Variants in SLC8B1 observed in about 807,000 individuals in gnomAD.
SLC8B1 encodes mitochondrial sodium/calcium exchanger protein.
SLC8B1 carries 52 observed loss-of-function variants against 63.4 expected under a neutral mutation model. The ratio of observed to expected loss-of-function variants is 0.82; its 90% confidence interval spans 0.66 to 1.03. The LOEUF (loss-of-function observed/expected upper bound fraction) is 1.03, where lower values mean the gene tolerates loss of function less well. SLC8B1 is among the 50% of genes least tolerant of loss of function. The pLI is 0.00. For synonymous variants in SLC8B1, 336 were observed against 323.9 expected (o/e 1.04, Z -0.40); for missense variants, 657 against 741.7 (o/e 0.89, Z 1.33).
In SLC8B1 at chr12:113,305,322, A is replaced by G. The variant is rs544768723; in HGVS notation, c.1493-937T>C. On this transcript the variant is annotated intron_variant, in intron 14 of 15. Transcript: ENST00000680972. The surrounding 1 kb of genome is among the most constrained non-coding windows in gnomAD (Gnocchi z 4.3). ...CAGCCTGGGAGTTAAAAGGGCAGGC[A>G]TCACTGTCTCCGCAGTTAGCCTGTT... Among the ~76,000 whole-genome samples the G allele has an allele frequency of 2.6e-5, 4 of 152,382 alleles. No homozygotes were observed. The highest frequency in any genetic ancestry group is 9.6e-5 in the African/African-American group (4 of 41,600).
intron 2 of SLC8B1, among the ~76,000 whole-genome samples, chr12:113,325,640 C>T (rs907584459): frequency 3.3e-5 from 5 of 151,684 alleles, no homozygotes; most frequent in African/African-American, 2.4e-5. Context: ...TCTCGGCTCA[C>T]GGCAAGTTCC....
intron 8 of SLC8B1, among the ~76,000 whole-genome samples, chr12:113,318,679 T>C (rs1179135715): frequency 6.6e-6 from 1 of 152,192 alleles, no homozygotes; most frequent in Non-Finnish European, 1.5e-5. Flanking sequence ...ACCCTGAGAA[T>C]GGTGGGAAAC....
In SLC8B1 at chr12:113,310,269, CA is replaced by C; in HGVS notation, c.1221del (p.Phe407LeufsTer21). ...AGTALASVTF[F>X]ATSDSQPPRL... The stretch of plus-strand genomic sequence containing the variant: ...CTGGGGGGCTGGCTGTCAGATGTGG[CA>C]AAAAAGGTCACTGAAGCCAAGGCTG... On this transcript the variant is annotated frameshift_variant, in exon 12 of 16. Coordinates refer to ENST00000680972, the MANE Select transcript of SLC8B1 (RefSeq NM_001358345.2). LOFTEE classifies it high-confidence loss of function. The C allele has an allele frequency of 6.2e-7, 1 of 1,613,904 alleles. No homozygotes were observed. Among genetic ancestry groups the C allele is most frequent in the Non-Finnish European group, 8.5e-7 (1 of 1,179,942 alleles).
intron 15 of SLC8B1, among the ~76,000 whole-genome samples, chr12:113,303,835 C>T (rs1419544838): frequency 6.6e-6 from 1 of 152,078 alleles, no homozygotes; most frequent in African/African-American, 2.4e-5. Context: ...TCATCAATCT[C>T]ATTTTATAGG....
Position 113,332,858 on chromosome 12 carries a change from A to T in SLC8B1, c.21T>A (p.Asn7Lys), listed in dbSNP as rs1302440663. 1 of 1,613,980 alleles carries T rather than the reference A, an allele frequency of 6.2e-7. No individual in the cohort carries two copies. Among genetic ancestry groups the T allele is most frequent in the Non-Finnish European group, 8.5e-7 (1 of 1,180,022 alleles). ...AAAGCACACTCAGTGCCCAGCGCAG[A>T]TTCAGCCTTCTGCCGGCCATCTGCC... MAGRRL[N>K]LRWALSVLCV... Residue 7 changes from asparagine to lysine, a missense_variant, in exon 2 of 16, where the codon AAT (asparagine) becomes AAA (lysine). Coordinates refer to ENST00000680972, the MANE Select transcript of SLC8B1 (RefSeq NM_001358345.2).
chr12:113,333,594 C>T lies in SLC8B1; in HGVS notation c.-82-634G>A, dbSNP rs556522915. ...CAGACAGGTGAAGCCAGGCTTGTTT[C>T]CCCCCTGCATCACGCCTCCCTCATG... On this transcript the variant is annotated intron_variant, in intron 1 of 15. Transcript: ENST00000680972. 4.6e-5 allele frequency among the ~76,000 whole-genome samples: 7 copies of T among 152,276 alleles called. No individual in the cohort carries two copies. In the East Asian group the frequency reaches 5.8e-4, roughly 13 times the overall value.
chr12:113,300,519 C>T (rs183649113), intron 15 of SLC8B1, among the ~76,000 whole-genome samples: 3 of 152,244 alleles, frequency 2.0e-5, no homozygotes, highest in East Asian at 3.9e-4. Context: ...ACAACAACAA[C>T]AATGCAGCCT....
intron 11 of SLC8B1, among the ~76,000 whole-genome samples, chr12:113,311,249 G>A (rs1956756207): frequency 2.0e-5 from 3 of 152,248 alleles, no homozygotes; most frequent in Admixed American, 6.5e-5. Context: ...TCTGGAGTTC[G>A]GGACAAACCT....
intron 2 of SLC8B1, among the ~76,000 whole-genome samples, chr12:113,327,469 G>C (rs753004378): frequency 6.6e-5 from 10 of 152,102 alleles, no homozygotes; most frequent in Non-Finnish European, 1.2e-4. Flanking sequence ...CCCAGTGCCT[G>C]AGCCCATGAG....
intron 11 of SLC8B1, among the ~76,000 whole-genome samples, chr12:113,313,097 G>C (rs1403850152): frequency 6.6e-6 from 1 of 151,996 alleles, no homozygotes; most frequent in African/African-American, 2.4e-5. Flanking sequence ...ATAGAGACGA[G>C]GTTTCATTGT....
At chr12:113,327,322 C>T (rs773351922) in intron 2 of SLC8B1, among the ~76,000 whole-genome samples, 8 of 148,656 alleles carry the variant, frequency 5.4e-5, no homozygotes, top group Non-Finnish European at 1.0e-4. Flanking sequence ...AATTTGCGTC[C>T]TTCTAGGTGA....
chr12:113,315,952 CG>C (rs1956828861), intron 10 of SLC8B1, among the ~76,000 whole-genome samples: 1 of 152,188 alleles, frequency 6.6e-6, no homozygotes, highest in African/African-American at 2.4e-5. Flanking sequence ...TGGCTGGATG[CG>C]GTGGCTCACG....
chr12:113,316,567 T>C lies in SLC8B1; in HGVS notation c.952A>G (p.Arg318Gly). ...ALNPLDYMKW[R>G]RKSAYWKALK... Reference sequence around the variant, plus strand: ...GCTTTCCAGTATGCTGATTTCCTTCTCCACTTCATGTAATCCAGGGGATTG... The same window carrying C: ...GCTTTCCAGTATGCTGATTTCCTTCCCCACTTCATGTAATCCAGGGGATTG... Residue 318 changes from arginine to glycine, a missense_variant, in exon 10 of 16, where the codon AGA becomes GGA. By Grantham distance (125) the Arg-to-Gly change is moderately radical. Transcript: ENST00000680972. 6.2e-7 allele frequency: 1 copy of C among 1,614,182 alleles called. No individual in the cohort carries two copies. Among genetic ancestry groups the C allele is most frequent in the East Asian group, 2.2e-5 (1 of 44,882 alleles).
chr12:113,299,698 G>A lies in SLC8B1; in HGVS notation c.*79C>T, dbSNP rs895091341. The A allele has an allele frequency of 1.5e-5, 21 of 1,430,148 alleles. 1 individual carries two copies. Among genetic ancestry groups the A allele is most frequent in the South Asian group, 1.2e-4 (10 of 86,172 alleles). 88.6% of individuals were successfully genotyped at this position (1,430,148 alleles called of 1,614,324 possible). A position where few individuals can be genotyped will look rare whatever the true frequency, so the allele number is the denominator to read the frequency against. On this transcript the variant is annotated 3_prime_UTR_variant, in exon 16 of 16. Transcript: ENST00000680972. ...GTGCCCACAAGGGCCTTGCAGAAAT[G>A]CTCCGGTCCCTGGGCCTCCCCCGGC...
chr12:113,299,660 G>A lies in SLC8B1; in HGVS notation c.*117C>T. The A allele has an allele frequency of 2.1e-6, 2 of 932,996 alleles. No homozygotes were observed. The highest frequency in any genetic ancestry group is 5.1e-5 in the East Asian group (2 of 38,846). The allele number at this position is 932,996 out of a possible 1,614,324, so 57.8% of individuals were successfully genotyped here. On this transcript the variant is annotated 3_prime_UTR_variant, in exon 16 of 16. Coordinates refer to ENST00000680972, the MANE Select transcript of SLC8B1 (RefSeq NM_001358345.2). ...AGTGACCTCAGATCTCCAGCAGCAA[G>A]GGCCGCACTCTCGTGCCCACAAGGG...
At position 113,310,947 on chromosome 12, in the gene SLC8B1, T is replaced by A. The variant is rs542576207; in HGVS notation, c.1136-592A>T. Among the ~76,000 whole-genome samples, 439 of 152,376 alleles carry A rather than the reference T, an allele frequency of 2.9e-3. 1 individual carries two copies. Among genetic ancestry groups the A allele is most frequent in the Non-Finnish European group, 4.8e-3 (328 of 68,034 alleles). ...ACGATGAATAGTTCAAATGTTCATA[T>A]ACCTGCATCAAGACCCTTCTTTTGT... On this transcript the variant is annotated intron_variant, in intron 11 of 15. Transcript: ENST00000680972.
chr12:113,310,417 A>G (rs1019772074), intron 11 of SLC8B1, 62 bp from the exon 12 acceptor site: 2 of 1,569,668 alleles, frequency 1.3e-6, no homozygotes, highest in Non-Finnish European at 1.7e-6. Flanking sequence ...CTTACAATGG[A>G]CTATTTGGAT....
At chr12:113,324,899 T>C (rs1239546428) in intron 2 of SLC8B1, among the ~76,000 whole-genome samples, 3 of 152,130 alleles carry the variant, frequency 2.0e-5, no homozygotes, top group African/African-American at 4.8e-5. Flanking sequence ...AGATGAGGTT[T>C]CACTGTGTTG....
In SLC8B1 at chr12:113,299,660, G is replaced by C. The variant is rs1956542029; in HGVS notation, c.*117C>G. Reference sequence around the variant, plus strand: ...AGTGACCTCAGATCTCCAGCAGCAAGGGCCGCACTCTCGTGCCCACAAGGG... The same window carrying C: ...AGTGACCTCAGATCTCCAGCAGCAACGGCCGCACTCTCGTGCCCACAAGGG... On this transcript the variant is annotated 3_prime_UTR_variant, in exon 16 of 16. Transcript: ENST00000680972. 2.1e-6 allele frequency: 2 copies of C among 932,996 alleles called. No individual in the cohort carries two copies. Among genetic ancestry groups the C allele is most frequent in the Non-Finnish European group, 3.4e-6 (2 of 592,610 alleles). 57.8% of individuals were successfully genotyped at this position (932,996 alleles called of 1,614,324 possible). A position where few individuals can be genotyped will look rare whatever the true frequency, so the allele number is the denominator to read the frequency against.
Sources: gnomAD v4.1 joint callset for allele counts (sites outside exome capture counted in the v4.1 genomes callset) on GRCh38, gnomAD v4.1.1 for gene constraint, Gnocchi (gnomAD v3.1) non-coding constraint, MANE v1.5 for transcripts, NCBI Gene and HGNC (gene_info 2026-07-23, HGNC 2026-07-21) for gene names.